SHANK2: variants seen among roughly 807,000 people sequenced by gnomAD.
SHANK2 encodes SH3 and multiple ankyrin repeat domains protein 2.
A neutral mutation model predicts 133.7 loss-of-function variants in SHANK2; 43 were observed. That is an observed-to-expected ratio of 0.32 (90% CI 0.25 to 0.41). SHANK2 has a LOEUF of 0.41. Among genes scored for constraint, SHANK2 ranks in the 10% least tolerant of loss-of-function variants. SHANK2 has a pLI of 1.00. For missense variants in SHANK2, 1,994 were observed against 2,235.8 expected (o/e 0.89, Z 2.18); for synonymous variants, 1,017 against 952.8 (o/e 1.07, Z -1.24).
chr11:70,762,515 T>G (rs2134987762), intron 14 of SHANK2, among the ~76,000 whole-genome samples: 1 of 152,270 alleles, frequency 6.6e-6, no homozygotes, highest in African/African-American at 2.4e-5. Context: ...GTTTTTGTGG[T>G]GCCAAGTGTC....
chr11:70,499,721 A>C (rs1255224799), intron 21 of SHANK2, among the ~76,000 whole-genome samples: 1 of 152,128 alleles, frequency 6.6e-6, no homozygotes, highest in Non-Finnish European at 1.5e-5. Flanking sequence ...GCCCGCTGGG[A>C]GTTTTCTGGG....
chr11:70,715,648 T>C (rs1295890882), intron 14 of SHANK2, among the ~76,000 whole-genome samples: 3 of 152,220 alleles, frequency 2.0e-5, no homozygotes, highest in African/African-American at 4.8e-5. Flanking sequence ...TGTATACCAA[T>C]ACATCGAGCC....
At chr11:71,061,169 T>C (rs1950982017) in intron 9 of SHANK2, among the ~76,000 whole-genome samples, 1 of 152,254 alleles carries the variant, frequency 6.6e-6, no homozygotes, top group African/African-American at 2.4e-5. Context: ...ACTACGGCCC[T>C]TGGGCCTAAT....
intron 14 of SHANK2, among the ~76,000 whole-genome samples, chr11:70,778,302 C>T (rs1947408830): frequency 6.6e-6 from 1 of 152,220 alleles, no homozygotes; most frequent in African/African-American, 2.4e-5. Flanking sequence ...CTTCGGCTCA[C>T]ACAACAAAAT....
chr11:71,125,556 G>GA (rs1350457252), intron 3 of SHANK2, among the ~76,000 whole-genome samples: 1 of 152,218 alleles, frequency 6.6e-6, no homozygotes, highest in Non-Finnish European at 1.5e-5. Flanking sequence ...GAAGCTGCAG[G>GA]AGAAAGGCTG....
At chr11:71,065,622 G>T (rs1488054675) in intron 9 of SHANK2, among the ~76,000 whole-genome samples, 6 of 134,254 alleles carry the variant, frequency 4.5e-5, no homozygotes, top group African/African-American at 1.4e-4. Context: ...TTGCAGGGGG[G>T]TGTGTGCAGA....
intron 10 of SHANK2, among the ~76,000 whole-genome samples, chr11:70,934,960 C>A (rs1455560626): frequency 2.0e-5 from 3 of 152,174 alleles, no homozygotes; most frequent in Non-Finnish European, 4.4e-5. Context: ...AGAGAAGGGA[C>A]GGGGCAGGTC....
Position 70,860,804 on chromosome 11 carries a change from C to G in SHANK2, c.1174+35697G>C, listed in dbSNP as rs1216204905. ...CTGAGGTGGGAGGATCACTTGGGCC[C>G]AGGACCAGGTGTTCAAGACCAACCT... On this transcript the variant is annotated intron_variant, in intron 11 of 25. Transcript: ENST00000601538. Among the ~76,000 whole-genome samples, 18 of 152,288 alleles carry G rather than the reference C, an allele frequency of 1.2e-4. No individual in the cohort carries two copies. In the East Asian group the frequency reaches 1.3e-3, roughly 11 times the overall value.
intron 17 of SHANK2, among the ~76,000 whole-genome samples, chr11:70,524,136 G>C (rs1178765935): frequency 1.3e-5 from 2 of 152,188 alleles, no homozygotes; most frequent in Admixed American, 1.3e-4. Flanking sequence ...AGGTGGCGAC[G>C]GGATCCCATT....
At chr11:70,847,360 G>A (rs1258793807) in intron 11 of SHANK2, among the ~76,000 whole-genome samples, 1 of 152,186 alleles carries the variant, frequency 6.6e-6, no homozygotes, top group Non-Finnish European at 1.5e-5. Context: ...TTGTCTCACA[G>A]GGTGGTGACG....
intron 9 of SHANK2, among the ~76,000 whole-genome samples, chr11:71,071,810 G>A (rs960208341): frequency 9.2e-5 from 14 of 152,206 alleles, no homozygotes; most frequent in South Asian, 8.3e-4. Flanking sequence ...ATTCCACCCC[G>A]GAGGCCACCA....
chr11:70,896,408 T>A (rs1329440380), intron 11 of SHANK2, 93 bp downstream of exon 11: 8 of 633,308 alleles, frequency 1.3e-5, no homozygotes, highest in Non-Finnish European at 2.0e-5. Context: ...TCTAAACCAA[T>A]CTTAGGAGAA....
At chr11:70,672,793 C>T (rs1014260517) in intron 15 of SHANK2, among the ~76,000 whole-genome samples, 2 of 152,254 alleles carry the variant, frequency 1.3e-5, no homozygotes, top group East Asian at 3.9e-4. Context: ...GTTCTGCCCA[C>T]CACACTCTGC....
At chr11:70,762,029 C>A (rs1465323236) in intron 14 of SHANK2, among the ~76,000 whole-genome samples, 1 of 152,216 alleles carries the variant, frequency 6.6e-6, no homozygotes, top group Non-Finnish European at 1.5e-5. Context: ...GCCCCGCCCA[C>A]TCCATCAGCA....
chr11:71,083,981 G>C (rs902631091), intron 8 of SHANK2, among the ~76,000 whole-genome samples: 1 of 149,794 alleles, frequency 6.7e-6, no homozygotes, highest in Non-Finnish European at 1.5e-5. Context: ...CTTTTTTTTG[G>C]GGGGGGGAGA....
chr11:70,607,703 AG>A (rs2060597823), intron 17 of SHANK2, among the ~76,000 whole-genome samples: 1 of 152,124 alleles, frequency 6.6e-6, no homozygotes, highest in African/African-American at 2.4e-5. Flanking sequence ...CCCACACCAC[AG>A]GGCCCCCAGG....
At chr11:71,183,849 A>C (rs1555114121) in intron 2 of SHANK2, among the ~76,000 whole-genome samples, 2 of 152,184 alleles carry the variant, frequency 1.3e-5, no homozygotes, top group Non-Finnish European at 2.9e-5. Flanking sequence ...CCAGCTGATG[A>C]GGCCAAGTTT....
intron 11 of SHANK2, 116 bp from the exon 12 acceptor site, chr11:70,820,798 A>G: frequency 1.8e-6 from 1 of 563,560 alleles, no homozygotes; most frequent in Non-Finnish European, 3.1e-6. Flanking sequence ...CGAGCCCAGC[A>G]GAGGGGAGCT....
intron 2 of SHANK2, among the ~76,000 whole-genome samples, chr11:71,199,944 A>T (rs1289084876): frequency 1.3e-5 from 2 of 152,188 alleles, no homozygotes; most frequent in African/African-American, 4.8e-5. Context: ...AAAGGCGGAC[A>T]TGGTTTTGTC....
Sources: gnomAD v4.1 joint callset for allele counts (sites outside exome capture counted in the v4.1 genomes callset) on GRCh38, gnomAD v4.1.1 for gene constraint, MANE v1.5 for transcripts, NCBI Gene and HGNC (gene_info 2026-07-23, HGNC 2026-07-21) for gene names.